RAB3IP: variants seen among roughly 807,000 people sequenced by gnomAD.
RAB3IP encodes RAB3A interacting protein, also known as rab-3A-interacting protein.
A neutral mutation model predicts 59.1 loss-of-function variants in RAB3IP; 36 were observed. That is an observed-to-expected ratio of 0.61 (90% CI 0.47 to 0.80). The LOEUF (loss-of-function observed/expected upper bound fraction) is 0.80, where lower values mean the gene tolerates loss of function less well. RAB3IP is among the 30% of genes least tolerant of loss of function. The pLI is 0.00. For synonymous variants in RAB3IP, 207 were observed against 191.2 expected, an observed-to-expected ratio of 1.08 and a Z score of -0.68; for missense variants, 511 against 536.0, an observed-to-expected ratio of 0.95 and a Z score of 0.46.
At chr12:69,786,800 ATAGG>A (rs1875734530) in intron 4 of RAB3IP, among the ~76,000 whole-genome samples, 1 of 9,198 alleles carries the variant, frequency 1.1e-4, no homozygotes, top group Admixed American at 1.8e-3. Flanking sequence ...AGCTTAGGCA[ATAGG>A]CAATAAGTGA....
chr12:69,789,354 A>G (rs1876241080), intron 4 of RAB3IP, among the ~76,000 whole-genome samples: 1 of 152,152 alleles, frequency 6.6e-6, no homozygotes, highest in South Asian at 2.1e-4. Context: ...AGTGACTTTT[A>G]TGAACCACAT....
chr12:69,780,736 C>T (rs1470354247), intron 3 of RAB3IP, among the ~76,000 whole-genome samples: 1 of 152,168 alleles, frequency 6.6e-6, no homozygotes, highest in East Asian at 1.9e-4. Flanking sequence ...TTCAGGTCTG[C>T]TGCCAAGACC....
chr12:69,796,994 C>G (rs911354923), intron 6 of RAB3IP, among the ~76,000 whole-genome samples: 2 of 152,112 alleles, frequency 1.3e-5, no homozygotes, highest in Non-Finnish European at 2.9e-5. Flanking sequence ...GTGTTATAGT[C>G]TGATGTTTCA....
intron 3 of RAB3IP, among the ~76,000 whole-genome samples, chr12:69,758,333 GTTTAAA>G (rs1300328802): frequency 6.6e-6 from 1 of 152,048 alleles, no homozygotes; most frequent in African/African-American, 2.4e-5. Flanking sequence ...GTATAGTTTG[GTTTAAA>G]TTTACCATCT....
intron 1 of RAB3IP, chr12:69,739,888 C>G (rs776964522): frequency 3.0e-5 from 48 of 1,613,154 alleles, no homozygotes; most frequent in Middle Eastern, 1.6e-4. Context: ...TTGAAAGACA[C>G]GAGCGCTGAG....
In RAB3IP at chr12:69,821,972, T is replaced by C. The variant is rs1170625079; in HGVS notation, c.*6526T>C. 1 of 152,206 alleles carries C rather than the reference T, an allele frequency of 6.6e-6. No individual in the cohort carries two copies. The highest frequency in any genetic ancestry group is 2.4e-5 in the African/African-American group (1 of 41,456). 9.4% of individuals were successfully genotyped at this position (152,206 alleles called of 1,614,324 possible). A position where few individuals can be genotyped will look rare whatever the true frequency, so the allele number is the denominator to read the frequency against. On this transcript the variant is annotated 3_prime_UTR_variant, in exon 11 of 11. Transcript: ENST00000247833. ...AGGCCATTAAATGAAATCTCATTTC[T>C]ATGATGCTTCCTGTCACATCACTGT...
At chr12:69,750,543 G>GTTTTTTTTTTT (rs11304094) in intron 1 of RAB3IP, among the ~76,000 whole-genome samples, 1 of 116,336 alleles carries the variant, frequency 8.6e-6, no homozygotes, top group Non-Finnish European at 1.8e-5. Flanking sequence ...CCTCTACCTC[G>GTTTTTTTTTTT]TTTTTTTTTT....
Position 69,806,771 on chromosome 12 carries a change from G to A in RAB3IP, c.1130+5050G>A, listed in dbSNP as rs565316783. Among the ~76,000 whole-genome samples, 4 of 151,976 alleles carry A rather than the reference G, an allele frequency of 2.6e-5. No homozygotes were observed. In the South Asian group the frequency reaches 8.3e-4, roughly 32 times the overall value. The stretch of plus-strand genomic sequence containing the variant: ...CCCTGGGTACTTGAGATTAGGGAGT[G>A]GTGATGACTCTTAATGAGCATGCAG... On this transcript the variant is annotated intron_variant, in intron 8 of 10. Coordinates refer to ENST00000247833, the MANE Select transcript of RAB3IP (RefSeq NM_022456.5).
intron 1 of RAB3IP, among the ~76,000 whole-genome samples, chr12:69,740,521 A>G (rs1052045613): frequency 5.9e-5 from 9 of 152,190 alleles, no homozygotes; most frequent in Non-Finnish European, 1.3e-4. Context: ...ACCTTTGTGA[A>G]CCAAAGTGTT....
rs374159978 is a variant in RAB3IP, at chr12:69,790,197, T to C, written c.607-4240T>C. ...GATTCAACAACAAAAAAGTTAGAAC[T>C]AATAAATGAATTTGATAGGGTTGCA... On this transcript the variant is annotated intron_variant, in intron 4 of 10. Transcript: ENST00000247833. Among the ~76,000 whole-genome samples the C allele has an allele frequency of 3.0e-4, 45 of 152,298 alleles. No individual in the cohort carries two copies. In the South Asian group the frequency reaches 9.1e-3, roughly 31 times the overall value.
intron 4 of RAB3IP, among the ~76,000 whole-genome samples, chr12:69,792,693 T>C (rs1439648508): frequency 6.6e-6 from 1 of 152,208 alleles, no homozygotes; most frequent in African/African-American, 2.4e-5. Flanking sequence ...CTAGTGCTCA[T>C]CTTTCCTTTT....
At chr12:69,813,066 A>G (rs1880675951) in intron 10 of RAB3IP, 33 bp downstream of exon 10, 1 of 1,512,186 alleles carries the variant, frequency 6.6e-7, no homozygotes, top group Non-Finnish European at 9.1e-7. Flanking sequence ...AAGTCTTTAC[A>G]TAAAAGTTCA....
At chr12:69,740,448 T>A (rs1015669048) in intron 1 of RAB3IP, among the ~76,000 whole-genome samples, 5 of 152,232 alleles carry the variant, frequency 3.3e-5, no homozygotes, top group East Asian at 1.9e-4. Flanking sequence ...GTCCATTTTT[T>A]AACTATTAAA....
intron 3 of RAB3IP, among the ~76,000 whole-genome samples, chr12:69,761,803 A>G (rs940600987): frequency 1.8e-4 from 28 of 152,192 alleles, no homozygotes; most frequent in African/African-American, 5.8e-4. Context: ...TCGTGACTTT[A>G]CCTAATAGAA....
intron 4 of RAB3IP, among the ~76,000 whole-genome samples, chr12:69,789,854 G>T (rs1402658588): frequency 6.6e-6 from 1 of 152,018 alleles, no homozygotes; most frequent in African/African-American, 2.4e-5. Context: ...CTTAATAGAA[G>T]CAGAAAAAGC....
In RAB3IP at chr12:69,739,639, G is replaced by A. The variant is rs1887075188; in HGVS notation, c.-26+608G>A. Reference sequence around the variant, plus strand: ...GAAACCTGGTGGGAAATTCCGGGCAGGCGCCCGGAGTCGCGCCCAAGTAGG... The same window carrying A: ...GAAACCTGGTGGGAAATTCCGGGCAAGCGCCCGGAGTCGCGCCCAAGTAGG... On this transcript the variant is annotated intron_variant, in intron 1 of 10. Coordinates refer to ENST00000247833, the MANE Select transcript of RAB3IP (RefSeq NM_022456.5). The A allele has an allele frequency of 2.0e-5, 12 of 605,670 alleles. No individual in the cohort carries two copies. The South Asian group carries it at 2.4e-4, about 12-fold the overall frequency. 37.5% of individuals were successfully genotyped at this position (605,670 alleles called of 1,614,324 possible). A position where few individuals can be genotyped will look rare whatever the true frequency, so the allele number is the denominator to read the frequency against.
chr12:69,813,899 T>C (rs1210842203), intron 10 of RAB3IP, among the ~76,000 whole-genome samples: 1 of 152,076 alleles, frequency 6.6e-6, no homozygotes, highest in Non-Finnish European at 1.5e-5. Flanking sequence ...GATAAAAACT[T>C]AGTTTAGCCT....
chr12:69,795,041 C>T (rs1165784993), intron 5 of RAB3IP, 100 bp from the exon 6 acceptor site: 2 of 855,446 alleles, frequency 2.3e-6, no homozygotes, highest in East Asian at 2.6e-5. Flanking sequence ...ATTAAACTTA[C>T]TTTTCATCTT....
chr12:69,758,451 C>CT (rs1870575942), intron 3 of RAB3IP, among the ~76,000 whole-genome samples: 1 of 152,104 alleles, frequency 6.6e-6, no homozygotes, highest in South Asian at 2.1e-4. Context: ...CTTCCTGTGG[C>CT]TTTTATCTTT....
Sources: gnomAD v4.1 joint callset for allele counts (sites outside exome capture counted in the v4.1 genomes callset) on GRCh38, gnomAD v4.1.1 for gene constraint, MANE v1.5 for transcripts, NCBI Gene and HGNC (gene_info 2026-07-23, HGNC 2026-07-21) for gene names.